Variants in SOX5 observed in about 807,000 individuals in gnomAD.
The protein encoded by SOX5 is transcription factor SOX-5.
A neutral mutation model predicts 92.0 loss-of-function variants in SOX5; 9 were observed. That is an observed-to-expected ratio of 0.10 (90% CI 0.06 to 0.17). The LOEUF is 0.17. Ranked by LOEUF, SOX5 falls within the 10% of genes least tolerant of loss-of-function variation. The pLI, the probability that SOX5 is intolerant of heterozygous loss-of-function variation, is 1.00. For synonymous variants in SOX5, 344 were observed against 336.3 expected, an observed-to-expected ratio of 1.02 and a Z score of -0.25; for missense variants, 642 against 944.5, an observed-to-expected ratio of 0.68 and a Z score of 4.20.
At chr12:24,006,921 G>A (rs1952249960) in intron 4 of SOX5, among the ~76,000 whole-genome samples, 2 of 151,572 alleles carry the variant, frequency 1.3e-5, no homozygotes, top group South Asian at 2.1e-4. Context: ...ATCACCTGAG[G>A]TCAGGAATTC....
chr12:23,842,398 A>G (rs970541312), intron 3 of SOX5, among the ~76,000 whole-genome samples: 8 of 152,156 alleles, frequency 5.3e-5, no homozygotes, highest in African/African-American at 1.9e-4. Context: ...CTTAATATAG[A>G]CAAATATAGA....
chr12:23,949,746 CTCTCTCCCTCTCTCTCTCTG>C (rs1945251310), upstream of SOX5: 1 of 974,588 alleles, frequency 1.0e-6, no homozygotes, highest in East Asian at 2.9e-5. Flanking sequence ...CTCTCTCTCT[CTCTCTCCCTCTCTCTCTCTG>C]TCTCTCTCTC....
chr12:23,970,841 A>ATATATATTTTTTTTTTTTT, intron 4 of SOX5, among the ~76,000 whole-genome samples: 1 of 21,884 alleles, frequency 4.6e-5, no homozygotes, highest in Non-Finnish European at 1.0e-4. Context: ...TATATATATA[A>ATATATATTTTTTTTTTTTT]TTTTTTTTTT....
In SOX5 at chr12:24,090,727, T is replaced by C. The variant is rs1001353382; in HGVS notation, c.-2+122616A>G. On this transcript the variant is annotated intron_variant, in intron 4 of 4. Transcript: ENST00000446891. ...GTAAGATAGAGCAAGATCTGTGCTA[T>C]AGTACTTTCAGGGTAATTGATGACA... 3.9e-5 allele frequency among the ~76,000 whole-genome samples: 6 copies of C among 152,218 alleles called. No individual in the cohort carries two copies. In the East Asian group the frequency reaches 7.7e-4, roughly 20 times the overall value.
chr12:23,832,276 G>A (rs2096339145), intron 3 of SOX5, among the ~76,000 whole-genome samples: 1 of 151,850 alleles, frequency 6.6e-6, no homozygotes. Context: ...TTAGGCAACT[G>A]CCCAACTACA....
At chr12:24,307,326 C>A (rs890805500) in intron 2 of SOX5, among the ~76,000 whole-genome samples, 1 of 151,982 alleles carries the variant, frequency 6.6e-6, no homozygotes, top group Non-Finnish European at 1.5e-5. Flanking sequence ...TGTCTTTTTT[C>A]ATTTACATAC....
intron 6 of SOX5, among the ~76,000 whole-genome samples, chr12:23,693,555 C>CT (rs1432011194): frequency 1.3e-5 from 2 of 152,106 alleles, no homozygotes; most frequent in Non-Finnish European, 2.9e-5. Flanking sequence ...ATTTAAAATG[C>CT]TTTTTTCTTA....
At position 23,569,168 on chromosome 12, in the gene SOX5, G is replaced by A. The variant is rs561610210; in HGVS notation, c.1343-5765C>T. On this transcript the variant is annotated intron_variant, in intron 10 of 14. Transcript: ENST00000451604. ...TCACCTGCCACTGCACTTCAGCTTG[G>A]GTGACAAAGCAAGACTCTGTCTAAA... 5.3e-5 allele frequency among the ~76,000 whole-genome samples: 8 copies of A among 152,058 alleles called. No homozygotes were observed. In the South Asian group the frequency reaches 1.7e-3, roughly 32 times the overall value.
rs139846244 is a variant in SOX5, at chr12:24,086,659, C to T, written c.-2+126684G>A. ...TTTGTTTGTACTATATTATTACTTA[C>T]TTGTTCACTTCTAGTAACTATATTC... On this transcript the variant is annotated intron_variant, in intron 4 of 4. Coordinates refer to the SOX5 transcript ENST00000446891. Among the ~76,000 whole-genome samples, 678 of 152,082 alleles carry T rather than the reference C, an allele frequency of 4.5e-3. 4 individuals carry two copies. The highest frequency in any genetic ancestry group is 7.9e-3 in the Admixed American group (120 of 15,232).
At chr12:24,374,012 T>C (rs933379571) in intron 1 of SOX5, among the ~76,000 whole-genome samples, 5 of 151,978 alleles carry the variant, frequency 3.3e-5, no homozygotes, top group Non-Finnish European at 7.4e-5. Flanking sequence ...ATCTCCAAGA[T>C]ATGTCCCTTT....
At chr12:23,915,393 T>C (rs532995604) in intron 1 of SOX5, among the ~76,000 whole-genome samples, 15 of 152,238 alleles carry the variant, frequency 9.9e-5, no homozygotes, top group Non-Finnish European at 2.1e-4. Context: ...TCAAGAGTTA[T>C]TTTAATATTT....
Position 23,846,106 on chromosome 12 carries a change from T to A in SOX5, c.358A>T (p.Ser120Cys). The A allele has an allele frequency of 6.2e-7, 1 of 1,614,122 alleles. No individual in the cohort carries two copies. Among genetic ancestry groups the A allele is most frequent in the Non-Finnish European group, 8.5e-7 (1 of 1,179,988 alleles). ...PQKAEEGGRQSGESLSSTALG... is the reference protein window; with the variant it reads ...PQKAEEGGRQCGESLSSTALG... ...GCTGTACTAGACAAGGACTCGCCAC[T>A]CTGTCGCCCACCTTCTTCTGCCTTC... is the stretch of plus-strand genomic sequence containing the variant. The change falls in exon 3 of 15, where the codon AGT becomes TGT. Residue 120 changes from serine (S) to cysteine (C), a missense_variant. By Grantham distance (112) the Ser-to-Cys change is moderately radical (BLOSUM62 -1). This residue lies in a region of SOX5 where 29 missense variants were observed against 47.4 expected (regional missense o/e 0.61). Transcript: ENST00000451604.
intron 3 of SOX5, among the ~76,000 whole-genome samples, chr12:23,768,027 T>A (rs2094797536): frequency 6.6e-6 from 1 of 152,188 alleles, no homozygotes; most frequent in African/African-American, 2.4e-5. Flanking sequence ...ATGCTCATCA[T>A]ACTATGCCAT....
chr12:23,764,340 T>C (rs1272801957), intron 3 of SOX5, among the ~76,000 whole-genome samples: 1 of 152,036 alleles, frequency 6.6e-6, no homozygotes. Context: ...ATATGTGAGA[T>C]AGAACAAAAT....
At chr12:24,086,429 C>T (rs1464603971) in intron 4 of SOX5, among the ~76,000 whole-genome samples, 1 of 151,750 alleles carries the variant, frequency 6.6e-6, no homozygotes, top group Non-Finnish European at 1.5e-5. Context: ...AGTAATCTTA[C>T]ATTACTTGAA....
intron 1 of SOX5, among the ~76,000 whole-genome samples, chr12:23,942,972 T>G (rs1023433729): frequency 9.9e-5 from 15 of 152,250 alleles, no homozygotes; most frequent in Admixed American, 5.9e-4. Flanking sequence ...TTCAACGGAT[T>G]TGCTGCCAGC....
chr12:24,056,580 G>T (rs1178638418), intron 4 of SOX5, among the ~76,000 whole-genome samples: 1 of 152,076 alleles, frequency 6.6e-6, no homozygotes, highest in Non-Finnish European at 1.5e-5. Flanking sequence ...CAATCCCATG[G>T]CTTTGGGGAG....
chr12:23,626,341 T>C (rs1795433925), intron 8 of SOX5, among the ~76,000 whole-genome samples: 1 of 152,224 alleles, frequency 6.6e-6, no homozygotes, highest in Non-Finnish European at 1.5e-5. Flanking sequence ...TTCTTTTTCA[T>C]GTGTAATCAT....
chr12:24,350,613 A>C (rs1041012540), intron 2 of SOX5, among the ~76,000 whole-genome samples: 1 of 152,160 alleles, frequency 6.6e-6, no homozygotes, highest in Non-Finnish European at 1.5e-5. Flanking sequence ...CTTAGTGCTG[A>C]GACTACAGGC....
Sources: gnomAD v4.1 joint callset for allele counts (sites outside exome capture counted in the v4.1 genomes callset) on GRCh38, gnomAD v4.1.1 for gene constraint, gnomAD v4.1.1 regional missense constraint, MANE v1.5 for transcripts, NCBI Gene and HGNC (gene_info 2026-07-23, HGNC 2026-07-21) for gene names.